CD180: variants seen among roughly 807,000 people sequenced by gnomAD.
CD180 encodes the protein CD180 antigen.
Under a neutral mutation model 10.7 loss-of-function variants are expected in CD180, and 11 were observed. The observed-to-expected ratio is 1.03, with a 90% CI of 0.65 to 1.70. The LOEUF (loss-of-function observed/expected upper bound fraction) is 1.70, where lower values mean the gene tolerates loss of function less well. Ranked by LOEUF, CD180 falls within the 40% of genes most tolerant of loss-of-function variation. The pLI is 0.00. For missense variants in CD180, 729 were observed against 775.2 expected (o/e 0.94, Z 0.71); for synonymous variants, 286 against 294.6 (o/e 0.97, Z 0.30).
rs773795382 is a variant in CD180, at chr5:67,183,720, G to C, written c.1123C>G (p.Leu375Val). The C allele has an allele frequency of 8.7e-6, 14 of 1,614,066 alleles. No homozygotes were observed. The Admixed American group carries it at 2.3e-4, about 27-fold the overall frequency. The change falls in exon 3 of 3, where the codon CTT becomes GTT. Residue 375 changes from leucine (L) to valine (V), a missense_variant. Leu to Val is a conservative substitution (Grantham distance 32). Coordinates refer to ENST00000256447, the MANE Select transcript of CD180 (RefSeq NM_005582.3). ...CLEKLGNLQT[L>V]DLSHNDIEAS... ...TCTATGTCATTATGGCTTAAATCAA[G>C]TGTCTGAAGGTTTCCTAGTTTCTCC... is the stretch of plus-strand genomic sequence containing the variant.
chr5:67,186,876 AAGAGAG>A (rs554168576), intron 1 of CD180, among the ~76,000 whole-genome samples: 28 of 126,028 alleles, frequency 2.2e-4, no homozygotes, highest in East Asian at 7.4e-4. Context: ...GTGTGTGTGA[AAGAGAG>A]AGAGAGAGAG....
At chr5:67,191,354 T>C (rs1164138455) in intron 1 of CD180, among the ~76,000 whole-genome samples, 1 of 152,206 alleles carries the variant, frequency 6.6e-6, no homozygotes, top group African/African-American at 2.4e-5. Context: ...GTGTCAGCAC[T>C]AAACAAGAAG....
chr5:67,188,350 C>G (rs2151167359), intron 1 of CD180, among the ~76,000 whole-genome samples: 1 of 152,282 alleles, frequency 6.6e-6, no homozygotes, highest in Non-Finnish European at 1.5e-5. Flanking sequence ...ACAAATTACC[C>G]AGGCTGTGGC....
Position 67,183,086 on chromosome 5 carries a change from A to G in CD180, c.1757T>C (p.Ile586Thr), listed in dbSNP as rs773456922. ...HNPLDCTCSN[I>T]HFLTWYKENL... The stretch of plus-strand genomic sequence containing the variant: ...TTCTTTGTACCATGTTAAGAAATGA[A>G]TATTCGAGCAAGTGCAGTCCAGGGG... Residue 586 changes from isoleucine (I) to threonine (T), a missense_variant, in exon 3 of 3, where the codon ATT becomes ACT. Coordinates refer to ENST00000256447, the MANE Select transcript of CD180 (RefSeq NM_005582.3). 20 of 1,611,732 alleles carry G rather than the reference A, an allele frequency of 1.2e-5. No homozygotes were observed. The East Asian group carries it at 3.3e-4, about 27-fold the overall frequency.
chr5:67,180,528 A>G lies in CD180; in HGVS notation c.*2329T>C, dbSNP rs1312684656. ...AACCTCAGTCCAACAGAATCTCAGT[A>G]TCTGGGGGTGAGGCCTGGGAATCCA... On this transcript the variant is annotated 3_prime_UTR_variant, in exon 3 of 3. Transcript: ENST00000256447. The G allele has an allele frequency of 6.6e-6, 1 of 152,176 alleles. No homozygotes were observed. The highest frequency in any genetic ancestry group is 1.9e-4 in the East Asian group (1 of 5,192). 9.4% of individuals were successfully genotyped at this position (152,176 alleles called of 1,614,324 possible).
chr5:67,193,820 A>C (rs543473203), intron 1 of CD180, among the ~76,000 whole-genome samples: 1 of 152,356 alleles, frequency 6.6e-6, no homozygotes. Context: ...CCGCTGATGC[A>C]AGGATTTCAA....
In CD180 at chr5:67,185,923, A is replaced by C. The variant is rs1742184029; in HGVS notation, c.185T>G (p.Phe62Cys). ...ATTGTGAATTGTAGGCAAAAAATTA[A>C]AGCTGAATTCCAAAAATTCTGTTGT... ...PNTTEFLEFS[F>C]NFLPTIHNRT... The change falls in exon 2 of 3, where the codon TTT becomes TGT. Residue 62 changes from phenylalanine to cysteine, a missense_variant. Coordinates refer to ENST00000256447, the MANE Select transcript of CD180 (RefSeq NM_005582.3). 1 of 1,612,042 alleles carries C rather than the reference A, an allele frequency of 6.2e-7. No individual in the cohort carries two copies. Among genetic ancestry groups the C allele is most frequent in the South Asian group, 1.1e-5 (1 of 90,756 alleles).
At position 67,183,582 on chromosome 5, in the gene CD180, G is replaced by A. The variant is rs1165917685; in HGVS notation, c.1261C>T (p.Gln421Ter). The A allele has an allele frequency of 1.9e-6, 3 of 1,614,080 alleles. No individual in the cohort carries two copies. Among genetic ancestry groups the A allele is most frequent in the Non-Finnish European group, 2.5e-6 (3 of 1,180,038 alleles). Residue 421 changes from glutamine to a stop codon, truncating the protein, a stop_gained, in exon 3 of 3, where the codon CAG (glutamine) becomes TAG (stop). Transcript: ENST00000256447. LOFTEE classifies it low-confidence loss of function (END_TRUNC). Reference sequence around the variant, plus strand: ...AATGCCAAATCGAGGAGTTCTAGCTGAGGACATTCTTTGAATGCCTGACTC... The same window carrying A: ...AATGCCAAATCGAGGAGTTCTAGCTAAGGACATTCTTTGAATGCCTGACTC... ...LQSQAFKECP[Q>*]LELLDLAFTR...
At chr5:67,195,979 G>A (rs1207447528) in intron 1 of CD180, among the ~76,000 whole-genome samples, 2 of 152,184 alleles carry the variant, frequency 1.3e-5, no homozygotes, top group East Asian at 1.9e-4. Flanking sequence ...CTTCCCACAG[G>A]TTGATAAATA....
At chr5:67,187,880 G>A (rs776534840) in intron 1 of CD180, among the ~76,000 whole-genome samples, 14 of 152,126 alleles carry the variant, frequency 9.2e-5, no homozygotes, top group East Asian at 1.9e-4. Context: ...TTATTGCAGG[G>A]TGGGTTAGTT....
chr5:67,189,092 G>A (rs1053587557), intron 1 of CD180, among the ~76,000 whole-genome samples: 17 of 152,132 alleles, frequency 1.1e-4, no homozygotes, highest in Non-Finnish European at 1.6e-4. Context: ...TGCTTTTCTC[G>A]TCTCCTTTGG....
At chr5:67,188,127 A>ACG (rs2151167273) in intron 1 of CD180, among the ~76,000 whole-genome samples, 1 of 151,640 alleles carries the variant, frequency 6.6e-6, no homozygotes, top group Admixed American at 6.6e-5. Flanking sequence ...CCAAGATTGC[A>ACG]CCACTGCACT....
chr5:67,185,471 A>G (rs568108132), intron 2 of CD180, among the ~76,000 whole-genome samples: 150 of 152,188 alleles, frequency 9.9e-4, no homozygotes, highest in African/African-American at 3.5e-3. Flanking sequence ...TGTAGGGGGG[A>G]AAAGTAGATG....
At chr5:67,185,627 T>A (rs990779022) in intron 2 of CD180, among the ~76,000 whole-genome samples, 1 of 152,236 alleles carries the variant, frequency 6.6e-6, no homozygotes, top group Non-Finnish European at 1.5e-5. Context: ...TCAACAGTGC[T>A]ATTGATGCAA....
rs778459112 is a variant in CD180, at chr5:67,196,538, C to T, written c.90+14G>A. 1.1e-5 allele frequency: 17 copies of T among 1,613,760 alleles called. No homozygotes were observed. The South Asian group carries it at 1.9e-4, about 18-fold the overall frequency. ...ACAGTTTAATCTGCATAAAGACAAA[C>T]AGTTTGGACTCACCTCAATGCACAT... On this transcript the variant is annotated intron_variant, in intron 1 of 2. Transcript: ENST00000256447.
intron 2 of CD180, 143 bp from the exon 3 acceptor site, chr5:67,184,728 T>C: frequency 1.4e-6 from 1 of 694,902 alleles, no homozygotes; most frequent in South Asian, 2.1e-5. Flanking sequence ...AGATGGCCTA[T>C]TGAAGGAATT....
At chr5:67,185,100 T>A (rs1742159973) in intron 2 of CD180, among the ~76,000 whole-genome samples, 1 of 138,888 alleles carries the variant, frequency 7.2e-6, no homozygotes, top group Non-Finnish European at 1.5e-5. Context: ...ACAGATGGCC[T>A]CCTCATCTAA....
rs78711519 is a variant in CD180, at chr5:67,190,037, C to T, written c.91-4020G>A. ...TTTTCCAATCCAGGATCACACATTG[C>T]ATTTAGTTGTTATATCTCCTTAGAC... On this transcript the variant is annotated intron_variant, in intron 1 of 2. Transcript: ENST00000256447. 4.6e-5 allele frequency among the ~76,000 whole-genome samples: 7 copies of T among 152,268 alleles called. No homozygotes were observed. The East Asian group carries it at 1.2e-3, about 25-fold the overall frequency.
At chr5:67,190,141 G>A (rs1282656406) in intron 1 of CD180, among the ~76,000 whole-genome samples, 1 of 152,128 alleles carries the variant, frequency 6.6e-6, no homozygotes, top group Non-Finnish European at 1.5e-5. Context: ...CCTATATTTT[G>A]CAGAATGTCC....
Sources: allele counts gnomAD v4.1 joint callset (sites outside exome capture counted in the v4.1 genomes callset), GRCh38; gene constraint gnomAD v4.1.1; transcripts MANE v1.5; gene names NCBI Gene and HGNC (gene_info 2026-07-23, HGNC 2026-07-21).